The following DNAH14 variants were observed in gnomAD, a reference collection of about 807,000 sequenced individuals.
The protein encoded by DNAH14 is axonemal beta dynein heavy chain 14.
In DNAH14, 478 loss-of-function variants were observed where a neutral mutation model predicts 520.9. The observed-to-expected ratio is 0.92, with a 90% CI of 0.85 to 0.99. The LOEUF (loss-of-function observed/expected upper bound fraction) is 0.99, where lower values mean the gene tolerates loss of function less well. Ranked by LOEUF, DNAH14 falls within the 50% of genes least tolerant of loss-of-function variation. The pLI is 0.00. For synonymous variants in DNAH14, 1,581 were observed against 1,757.2 expected (o/e 0.90, Z 2.51); for missense variants, 4,831 against 5,234.5 (o/e 0.92, Z 2.38).
chr1:225,029,892 A>T (rs557185489), intron 11 of DNAH14, among the ~76,000 whole-genome samples: 30 of 152,100 alleles, frequency 2.0e-4, no homozygotes, highest in African/African-American at 7.2e-4. Context: ...CCATCCTAAA[A>T]GTTTCTGAAA....
chr1:225,171,390 A>G (rs1434865816), intron 36 of DNAH14, among the ~76,000 whole-genome samples: 1 of 152,144 alleles, frequency 6.6e-6, no homozygotes, highest in African/African-American at 2.4e-5. Flanking sequence ...GATAAAGAAG[A>G]AAAGAGAGAA....
intron 5 of DNAH14, among the ~76,000 whole-genome samples, chr1:224,964,994 C>T (rs556961014): frequency 6.6e-6 from 1 of 152,184 alleles, no homozygotes; most frequent in African/African-American, 2.4e-5. Context: ...GTTCTTCTCA[C>T]ACTCTAACTC....
chr1:225,351,016 A>G (rs4653632), intron 71 of DNAH14, among the ~76,000 whole-genome samples: 18,790 of 152,234 alleles, frequency 0.12, 1,534 homozygotes, highest in South Asian at 0.25. Flanking sequence ...TCAACAGCAC[A>G]TTAAGAGGAC....
At chr1:225,057,481 C>G (rs1289125384) in intron 17 of DNAH14, among the ~76,000 whole-genome samples, 1 of 152,160 alleles carries the variant, frequency 6.6e-6, no homozygotes, top group Non-Finnish European at 1.5e-5. Context: ...CAAACAGGGA[C>G]AATTTGACTT....
intron 43 of DNAH14, among the ~76,000 whole-genome samples, chr1:225,247,226 C>CA (rs1558147595): frequency 6.8e-6 from 1 of 147,572 alleles, no homozygotes; most frequent in East Asian, 2.1e-4. Context: ...GGGCCTGTTG[C>CA]GGGGTGGGGG....
chr1:225,206,451 A>T (rs566200906), intron 40 of DNAH14, among the ~76,000 whole-genome samples: 1 of 152,120 alleles, frequency 6.6e-6, no homozygotes, highest in Non-Finnish European at 1.5e-5. Flanking sequence ...TAGACTGCTG[A>T]TGTGAATTAT....
chr1:225,058,435 G>C (rs970140675), intron 17 of DNAH14, among the ~76,000 whole-genome samples: 2 of 151,990 alleles, frequency 1.3e-5, no homozygotes, highest in African/African-American at 4.8e-5. Context: ...TTCTTTATTA[G>C]TCTTGCTAGT....
intron 43 of DNAH14, among the ~76,000 whole-genome samples, chr1:225,244,239 G>C (rs979055558): frequency 6.6e-6 from 1 of 152,140 alleles, no homozygotes; most frequent in Non-Finnish European, 1.5e-5. Context: ...TTAATGTGCT[G>C]CTGGATTCAT....
intron 43 of DNAH14, among the ~76,000 whole-genome samples, chr1:225,246,023 A>G (rs1476612438): frequency 3.3e-5 from 5 of 151,576 alleles, no homozygotes; most frequent in African/African-American, 1.2e-4. Context: ...TACCAAAACA[A>G]ATATATAGAC....
intron 10 of DNAH14, among the ~76,000 whole-genome samples, chr1:225,013,443 T>C (rs1287518232): frequency 6.6e-6 from 1 of 151,866 alleles, no homozygotes; most frequent in Non-Finnish European, 1.5e-5. Context: ...GGCACGGGGG[T>C]CAGGGACCCA....
At chr1:225,000,555 G>A (rs2063688092) in intron 8 of DNAH14, among the ~76,000 whole-genome samples, 2 of 149,896 alleles carry the variant, frequency 1.3e-5, no homozygotes, top group Admixed American at 6.7e-5. Context: ...ACAGGTGAAT[G>A]AAGGTTTGTT....
Position 225,335,141 on chromosome 1 carries a change from ACATGTGTACATGTGTG to A in DNAH14, c.10080+1643_10080+1658del, listed in dbSNP as rs1357070244. ...TACATGTGTACATATGTGCATGTGCACATGTGTACATGTGTGCATGTGTGCATGTGTACATGTGCGC... is the reference window on the plus strand; with the variant it reads ...TACATGTGTACATATGTGCATGTGCACATGTGTGCATGTGTACATGTGCGC... On this transcript the variant is annotated intron_variant, in intron 66 of 85. Coordinates refer to ENST00000682510, the MANE Select transcript of DNAH14 (RefSeq NM_001367479.1). Among the ~76,000 whole-genome samples the A allele has an allele frequency of 5.7e-5, 7 of 123,156 alleles. 1 individual carries two copies. The East Asian group carries it at 1.2e-3, about 21-fold the overall frequency. 80.8% of individuals were successfully genotyped at this position (123,156 alleles called of 152,430 possible).
At chr1:225,309,426 G>C (rs1017734892) in intron 60 of DNAH14, among the ~76,000 whole-genome samples, 1 of 152,160 alleles carries the variant, frequency 6.6e-6, no homozygotes, top group Admixed American at 6.5e-5. Context: ...ATACGAGTAA[G>C]CTGCAAGGCT....
intron 42 of DNAH14, 76 bp from the exon 43 acceptor site, chr1:225,240,517 T>G: frequency 1.1e-6 from 1 of 873,360 alleles, no homozygotes. Flanking sequence ...TTTAACATTA[T>G]ATTAAAGTAA....
chr1:225,354,196 C>G (rs769885881), intron 73 of DNAH14: 1 of 701,926 alleles, frequency 1.4e-6, no homozygotes, highest in South Asian at 1.5e-5. Flanking sequence ...GCCTGCTTCT[C>G]CGTGCCATAA....
intron 17 of DNAH14, among the ~76,000 whole-genome samples, chr1:225,064,926 T>C (rs927483798): frequency 2.0e-5 from 3 of 151,966 alleles, no homozygotes; most frequent in African/African-American, 7.2e-5. Context: ...TCAGCACAAA[T>C]GATTTTTTTA....
intron 30 of DNAH14, among the ~76,000 whole-genome samples, chr1:225,146,704 C>T (rs114156816): frequency 0.082 from 12,509 of 152,298 alleles, 1,665 homozygotes; most frequent in African/African-American, 0.28. Flanking sequence ...CCAGAAAAGG[C>T]AGCCCCCAGA....
intron 41 of DNAH14, among the ~76,000 whole-genome samples, chr1:225,216,609 T>C (rs2089375270): frequency 6.6e-6 from 1 of 152,178 alleles, no homozygotes; most frequent in African/African-American, 2.4e-5. Context: ...TACTCTTTTT[T>C]CTCTAAACTT....
At chr1:225,381,862 T>G (rs899712187) in intron 81 of DNAH14, among the ~76,000 whole-genome samples, 2 of 152,210 alleles carry the variant, frequency 1.3e-5, no homozygotes, top group Non-Finnish European at 2.9e-5. Context: ...TTACTATAAG[T>G]GTTGAGTTTA....
Sources: allele counts gnomAD v4.1 joint callset (sites outside exome capture counted in the v4.1 genomes callset), GRCh38; gene constraint gnomAD v4.1.1; transcripts MANE v1.5; gene names NCBI Gene and HGNC (gene_info 2026-07-23, HGNC 2026-07-21).